The following ZNF320 variants were observed in gnomAD, a reference collection of about 807,000 sequenced individuals.
ZNF320 encodes the protein zinc finger gene 320.
Under a neutral mutation model 6.8 loss-of-function variants are expected in ZNF320, and 2 were observed. The ratio of observed to expected loss-of-function variants is 0.29; its 90% CI spans 0.12 to 0.93. The LOEUF is 0.93. Among genes scored for constraint, ZNF320 ranks in the 40% least tolerant of loss-of-function variants. The probability of loss-of-function intolerance (pLI) is 0.55; values close to 1 mark genes in which losing one functional copy is unlikely to be tolerated. For synonymous variants in ZNF320, 208 were observed against 203.2 expected (o/e 1.02, Z -0.20); for missense variants, 472 against 611.0 (o/e 0.77, Z 2.40).
chr19:52,891,869 G>T (rs12976257), intron 2 of ZNF320, among the ~76,000 whole-genome samples: 23,740 of 152,072 alleles, frequency 0.16, 1,928 homozygotes, highest in East Asian at 0.27. Flanking sequence ...ATTCTTACAT[G>T]GGGGCCCAGA....
At chr19:52,863,249 A>T (rs1364625411) in exon 6 of ZNF320, among the ~76,000 whole-genome samples, 1 of 152,206 alleles carries the variant, frequency 6.6e-6, no homozygotes, top group Non-Finnish European at 1.5e-5. Flanking sequence ...AATATATAAC[A>T]CATAGAAATG....
In ZNF320 at chr19:52,881,374, C is replaced by T. The variant is rs1216418195; in HGVS notation, c.752G>A (p.Gly251Asp). ...GEKPYKCNEC[G>D]KTFSQTSHLV... Reference sequence around the variant, plus strand: ...GTGTGATGTCTGACTAAAGGTCTTGCCACACTCATTACACTTATAAGGTTT... The same window carrying T: ...GTGTGATGTCTGACTAAAGGTCTTGTCACACTCATTACACTTATAAGGTTT... Residue 251 changes from glycine to aspartate, a missense_variant, in exon 6 of 6, where the codon GGC becomes GAC. Coordinates refer to ENST00000682928, the MANE Select transcript of ZNF320 (RefSeq NM_001351774.2). 3 of 1,613,420 alleles carry T rather than the reference C, an allele frequency of 1.9e-6. No homozygotes were observed. Among genetic ancestry groups the T allele is most frequent in the Admixed American group, 1.7e-5 (1 of 59,952 alleles).
rs544161279 is a variant in ZNF320, at chr19:52,881,479, T to C, written c.647A>G (p.His216Arg). 4 of 1,614,180 alleles carry C rather than the reference T, an allele frequency of 2.5e-6. No individual in the cohort carries two copies. Among genetic ancestry groups the C allele is most frequent in the Non-Finnish European group, 3.4e-6 (4 of 1,180,028 alleles). Residue 216 changes from histidine (H) to arginine (R), a missense_variant, in exon 6 of 6, where the codon CAT (histidine) becomes CGT (arginine). By Grantham distance (29) the His-to-Arg change is conservative. This residue lies in a region of ZNF320 where 462 missense variants were observed against 559.7 expected (regional missense o/e 0.83). Transcript: ENST00000682928. ...CTTGCCACATTCATTACATGTGTAATGTTTGTCTCCCCTGTGAATTCTAGT... is the reference window on the plus strand; with the variant it reads ...CTTGCCACATTCATTACATGTGTAACGTTTGTCTCCCCTGTGAATTCTAGT... ...KHTRIHRGDKHYTCNECGKVF... is the reference protein window; with the variant it reads ...KHTRIHRGDKRYTCNECGKVF...
rs1253734077 is a variant in ZNF320, at chr19:52,877,531, C to T, written c.*3065G>A. 6.6e-6 allele frequency: 1 copy of T among 152,174 alleles called. No individual in the cohort carries two copies. The highest frequency in any genetic ancestry group is 1.5e-5 in the Non-Finnish European group (1 of 68,044). The allele number at this position is 152,174 out of a possible 1,614,324, so 9.4% of individuals were successfully genotyped here. ...AGGTGTGCAGAGGGATGGGCTCTTT[C>T]CCACATCTGTGAAGATAAGCTCTCA... On this transcript the variant is annotated 3_prime_UTR_variant, in exon 6 of 6. Coordinates refer to ENST00000682928, the MANE Select transcript of ZNF320 (RefSeq NM_001351774.2).
At chr19:52,897,915 C>T (rs1180648901), upstream of ZNF320, among the ~76,000 whole-genome samples, 1 of 152,156 alleles carries the variant, frequency 6.6e-6, no homozygotes, top group Non-Finnish European at 1.5e-5. Context: ...CCATCTCGCT[C>T]TCTGCGCCTT....
intron 1 of ZNF320, chr19:52,895,640 G>C (rs897098937): frequency 6.6e-6 from 1 of 151,638 alleles, no homozygotes; most frequent in African/African-American, 2.4e-5. Flanking sequence ...GTGAAACCCC[G>C]TCTCCATTAG....
rs2063512643 is a variant in ZNF320 at position 52,864,690 on chromosome 19, A to G, written c.224-531T>C. On this transcript the variant is annotated intron_variant, in intron 5 of 5. Coordinates refer to the ZNF320 transcript ENST00000673631. The stretch of plus-strand genomic sequence containing the variant: ...AACATCAGTGCACTATAGCTGGAGC[A>G]ACAGAGAGACACTCCATCTCAATAA... Among the ~76,000 whole-genome samples, 4 of 152,132 alleles carry G rather than the reference A, an allele frequency of 2.6e-5. No individual in the cohort carries two copies. The South Asian group carries it at 8.3e-4, about 31-fold the overall frequency.
At chr19:52,866,142 TTATATATGTATGATTATACATATATTTA>T (rs2063565753) in intron 5 of ZNF320, among the ~76,000 whole-genome samples, 3 of 52,450 alleles carry the variant, frequency 5.7e-5, no homozygotes, top group African/African-American at 9.7e-5. Context: ...ATACATATAT[TTATATATGTATGATTATACATATATTTA>T]TATATATGAT....
intron 1 of ZNF320, among the ~76,000 whole-genome samples, chr19:52,896,554 C>CA (rs1305742497): frequency 1.3e-5 from 2 of 152,028 alleles, no homozygotes; most frequent in Non-Finnish European, 2.9e-5. Context: ...ACCAAGTACA[C>CA]AAAAATTAGC....
intron 5 of ZNF320, among the ~76,000 whole-genome samples, chr19:52,866,292 G>C (rs2063571426): frequency 6.6e-6 from 1 of 150,396 alleles, no homozygotes; most frequent in Admixed American, 6.7e-5. Context: ...TGGGTGCAGT[G>C]ACTCATGCCT....
chr19:52,896,681 C>T (rs970806453), intron 1 of ZNF320, among the ~76,000 whole-genome samples: 2 of 152,080 alleles, frequency 1.3e-5, no homozygotes, highest in Non-Finnish European at 2.9e-5. Context: ...CGCTCTCCCG[C>T]CTGGGCAACA....
intron 5 of ZNF320, among the ~76,000 whole-genome samples, chr19:52,869,462 G>A (rs1280841000): frequency 6.6e-6 from 1 of 152,188 alleles, no homozygotes; most frequent in Non-Finnish European, 1.5e-5. Context: ...AGTAGGTAGA[G>A]CTGTGTTTGT....
chr19:52,902,968 A>G, the ZNF320 span, among the ~76,000 whole-genome samples: 2 of 152,206 alleles, frequency 1.3e-5, no homozygotes, highest in Admixed American at 1.3e-4. Context: ...AACTTGCTTA[A>G]ACTTTCAAAC....
In ZNF320 at chr19:52,876,449, T is replaced by C. The variant is rs2063769323; in HGVS notation, c.*4147A>G. On this transcript the variant is annotated 3_prime_UTR_variant, in exon 6 of 6. Transcript: ENST00000682928. ...ACATACCGTAGTTGCAAAACAATGA[T>C]GTTACCTCGTAAGATTATACCAAAG... The C allele has an allele frequency of 6.6e-6, 1 of 152,176 alleles. No homozygotes were observed. Among genetic ancestry groups the C allele is most frequent in the African/African-American group, 2.4e-5 (1 of 41,452 alleles). 9.4% of individuals were successfully genotyped at this position (152,176 alleles called of 1,614,324 possible). A position where few individuals can be genotyped will look rare whatever the true frequency, so the allele number is the denominator to read the frequency against.
chr19:52,865,535 A>C (rs2063536339), intron 5 of ZNF320: 1 of 135,100 alleles, frequency 7.4e-6, no homozygotes, highest in South Asian at 2.1e-4. Context: ...ATATATTTAT[A>C]TATGATTATA....
rs1555814377 is a variant in ZNF320 at position 52,866,014 on chromosome 19, T to TG, written c.224-1856_224-1855insC. ...ATATGATTATACATATATATTTATA[T>TG]ATTATACATATTTATATATATGATT... is the stretch of plus-strand genomic sequence containing the variant. On this transcript the variant is annotated intron_variant, in intron 5 of 5. Transcript: ENST00000673631. Among the ~76,000 whole-genome samples the TG allele has an allele frequency of 3.9e-5, 4 of 103,144 alleles. 1 individual carries two copies. The highest frequency in any genetic ancestry group is 3.9e-5 in the Non-Finnish European group (2 of 51,692). 67.7% of individuals were successfully genotyped at this position (103,144 alleles called of 152,430 possible).
At chr19:52,865,558 TATG>T (rs1459952332) in intron 5 of ZNF320, 1 of 109,574 alleles carries the variant, frequency 9.1e-6, no homozygotes, top group African/African-American at 4.0e-5. Flanking sequence ...TATATATTTA[TATG>T]ATCATACATA....
chr19:52,859,686 G>C (rs1358384676), downstream of ZNF320, among the ~76,000 whole-genome samples: 4 of 152,158 alleles, frequency 2.6e-5, no homozygotes, highest in African/African-American at 9.7e-5. Context: ...AGCTTGACTG[G>C]TGATGGATTG....
chr19:52,900,633 A>C (rs2064568218), upstream of ZNF320, among the ~76,000 whole-genome samples: 1 of 152,124 alleles, frequency 6.6e-6, no homozygotes, highest in African/African-American at 2.4e-5. Context: ...GGTTCTGGAG[A>C]GCATTTTTCA....
Sources: gnomAD v4.1 joint callset for allele counts (sites outside exome capture counted in the v4.1 genomes callset) on GRCh38, gnomAD v4.1.1 for gene constraint, gnomAD v4.1.1 regional missense constraint, MANE v1.5 for transcripts, NCBI Gene and HGNC (gene_info 2026-07-23, HGNC 2026-07-21) for gene names.